CALN1: variants seen among roughly 807,000 people sequenced by gnomAD.
The protein encoded by CALN1 is calneuron 1.
CALN1 carries 17 observed loss-of-function variants against 30.6 expected under a neutral mutation model. The ratio of observed to expected loss-of-function variants is 0.56; its 90% CI spans 0.38 to 0.83. The LOEUF is 0.83. CALN1 is among the 40% of genes least tolerant of loss of function. CALN1 has a pLI of 0.00. For synonymous variants in CALN1, 156 were observed against 131.4 expected (o/e 1.19, Z -1.28); for missense variants, 291 against 354.9 (o/e 0.82, Z 1.45).
intron 2 of CALN1, among the ~76,000 whole-genome samples, chr7:72,298,538 C>T (rs1799025487): frequency 1.3e-5 from 2 of 152,100 alleles, no homozygotes. Context: ...TCTACTTGGG[C>T]CTGTTAGATC....
intron 5 of CALN1, among the ~76,000 whole-genome samples, chr7:71,964,179 C>G (rs1797411500): frequency 6.6e-6 from 1 of 152,178 alleles, no homozygotes; most frequent in Non-Finnish European, 1.5e-5. Context: ...GTTCCTTTAT[C>G]CCCCGTCACA....
intron 3 of CALN1, among the ~76,000 whole-genome samples, chr7:72,125,468 G>A (rs1454941736): frequency 6.6e-6 from 1 of 152,196 alleles, no homozygotes; most frequent in East Asian, 1.9e-4. Flanking sequence ...GAAGACAGAC[G>A]ATGGGCACTT....
At chr7:71,935,355 G>A (rs769257287) in intron 5 of CALN1, among the ~76,000 whole-genome samples, 4 of 152,122 alleles carry the variant, frequency 2.6e-5, no homozygotes, top group Non-Finnish European at 5.9e-5. Context: ...CTGGCCCTAG[G>A]AAGGAAAAAA....
chr7:71,790,374 AAGAAAG>A lies in CALN1; in HGVS notation c.659-2478_659-2473del, dbSNP rs1319632424. Among the ~76,000 whole-genome samples, 83 of 44,876 alleles carry A rather than the reference AAGAAAG, an allele frequency of 1.8e-3. 2 individuals carry two copies. The highest frequency in any genetic ancestry group is 0.011 in the Admixed American group (34 of 3,198). 29.4% of individuals were successfully genotyped at this position (44,876 alleles called of 152,430 possible). A position where few individuals can be genotyped will look rare whatever the true frequency, so the allele number is the denominator to read the frequency against. ...AAGAAAGAAAGAAAGAAAGAAAAGA[AAGAAAG>A]AAAGAAAGAAAGAAAGAAAGAAAGA... On this transcript the variant is annotated intron_variant, in intron 6 of 6. Transcript: ENST00000395275.
chr7:71,807,798 G>T (rs1033974642), intron 6 of CALN1, among the ~76,000 whole-genome samples: 2 of 152,038 alleles, frequency 1.3e-5, no homozygotes, highest in Admixed American at 1.3e-4. Flanking sequence ...AAATTAGGCC[G>T]AGTGTGATGG....
chr7:71,976,455 G>A (rs1404476758), intron 5 of CALN1, among the ~76,000 whole-genome samples: 2 of 152,212 alleles, frequency 1.3e-5, no homozygotes, highest in African/African-American at 4.8e-5. Context: ...GGAGCAGCCT[G>A]TGTCCTGGAG....
chr7:72,122,685 C>T (rs537576698), intron 3 of CALN1, among the ~76,000 whole-genome samples: 25 of 152,250 alleles, frequency 1.6e-4, no homozygotes, highest in African/African-American at 5.8e-4. Context: ...GTGATCACGC[C>T]GCTGCACTCC....
intron 2 of CALN1, among the ~76,000 whole-genome samples, chr7:72,307,005 A>C (rs1021917157): frequency 2.0e-5 from 3 of 152,214 alleles, no homozygotes; most frequent in Admixed American, 2.0e-4. Flanking sequence ...GTTGGGGGAC[A>C]CAGTTCAGTC....
At chr7:72,107,610 A>T (rs1807266270) in intron 3 of CALN1, among the ~76,000 whole-genome samples, 1 of 152,152 alleles carries the variant, frequency 6.6e-6, no homozygotes, top group Non-Finnish European at 1.5e-5. Context: ...AAGGAATTGG[A>T]GGTCACAGTG....
At chr7:72,078,328 C>T (rs7805893) in intron 4 of CALN1, among the ~76,000 whole-genome samples, 37,363 of 151,584 alleles carry the variant, frequency 0.25, 4,840 homozygotes, top group Middle Eastern at 0.28. Context: ...ACTCTGGGTC[C>T]CTCTGGGAAA....
chr7:72,360,182 A>G (rs544065512), intron 2 of CALN1, among the ~76,000 whole-genome samples: 2 of 152,120 alleles, frequency 1.3e-5, no homozygotes, highest in Non-Finnish European at 2.9e-5. Flanking sequence ...GCCTCCATTT[A>G]CTTTATTAGT....
At chr7:72,371,193 C>G (rs912070976) in intron 2 of CALN1, among the ~76,000 whole-genome samples, 5 of 152,076 alleles carry the variant, frequency 3.3e-5, no homozygotes, top group African/African-American at 4.8e-5. Flanking sequence ...TATTTCCTTC[C>G]AGAATTTTTA....
At chr7:72,156,411 C>G (rs1787683731) in intron 3 of CALN1, among the ~76,000 whole-genome samples, 1 of 152,196 alleles carries the variant, frequency 6.6e-6, no homozygotes, top group Non-Finnish European at 1.5e-5. Flanking sequence ...CACTCTCCGG[C>G]AGCATCTGCC....
chr7:72,128,796 C>A (rs1386049913), intron 3 of CALN1, among the ~76,000 whole-genome samples: 1 of 152,194 alleles, frequency 6.6e-6, no homozygotes, highest in African/African-American at 2.4e-5. Context: ...CACTTGAACC[C>A]AGGAGGCAGA....
chr7:71,793,133 C>T (rs181197454), intron 6 of CALN1, among the ~76,000 whole-genome samples: 68 of 151,938 alleles, frequency 4.5e-4, no homozygotes, highest in Admixed American at 9.2e-4. Context: ...AGTGAAACTC[C>T]GTCTCTACTA....
chr7:72,480,510 G>A, the CALN1 span, among the ~76,000 whole-genome samples: 1 of 152,080 alleles, frequency 6.6e-6, no homozygotes, highest in South Asian at 2.1e-4. Flanking sequence ...AGAGTAATGA[G>A]CTGGGAAATA....
intron 2 of CALN1, among the ~76,000 whole-genome samples, chr7:72,289,979 G>A (rs1030640658): frequency 2.6e-5 from 4 of 151,200 alleles, no homozygotes; most frequent in African/African-American, 9.7e-5. Context: ...TCAGGAGGCT[G>A]AGGTTGGAGA....
the CALN1 span, among the ~76,000 whole-genome samples, chr7:72,455,532 T>C: frequency 6.6e-6 from 1 of 151,918 alleles, no homozygotes; most frequent in African/African-American, 2.4e-5. Flanking sequence ...GCTCAGGAGC[T>C]CGCAGGAAAG....
intron 5 of CALN1, among the ~76,000 whole-genome samples, chr7:71,819,197 T>C (rs1788448943): frequency 6.6e-6 from 1 of 151,210 alleles, no homozygotes; most frequent in Admixed American, 6.6e-5. Context: ...AACTAAAAAT[T>C]TACTATTTTA....
Sources: gnomAD v4.1 joint callset for allele counts (sites outside exome capture counted in the v4.1 genomes callset) on GRCh38, gnomAD v4.1.1 for gene constraint, MANE v1.5 for transcripts, NCBI Gene and HGNC (gene_info 2026-07-23, HGNC 2026-07-21) for gene names.